LDLRAD3: variants seen among roughly 807,000 people sequenced by gnomAD.
LDLRAD3 encodes the protein low-density lipoprotein receptor class A domain-containing protein 3.
A neutral mutation model predicts 29.4 loss-of-function variants in LDLRAD3; 20 were observed. That is an observed-to-expected ratio of 0.68 (90% CI 0.48 to 0.99). The LOEUF is 0.99. Among genes scored for constraint, LDLRAD3 ranks in the 50% least tolerant of loss-of-function variants. The pLI is 0.00. For synonymous variants in LDLRAD3, 157 were observed against 192.7 expected, an observed-to-expected ratio of 0.81 and a Z score of 1.53; for missense variants, 420 against 454.3, an observed-to-expected ratio of 0.92 and a Z score of 0.69.
chr11:35,947,574 C>A (rs1851073868), intron 1 of LDLRAD3, among the ~76,000 whole-genome samples: 1 of 151,856 alleles, frequency 6.6e-6, no homozygotes, highest in Non-Finnish European at 1.5e-5. Flanking sequence ...AGAGAGGGAA[C>A]CCACTATCAG....
chr11:36,189,059 G>A (rs994919677), intron 4 of LDLRAD3, among the ~76,000 whole-genome samples: 1 of 151,966 alleles, frequency 6.6e-6, no homozygotes, highest in African/African-American at 2.4e-5. Context: ...TACAATTTGG[G>A]TTTTTCATAG....
intron 4 of LDLRAD3, among the ~76,000 whole-genome samples, chr11:36,146,352 C>T (rs1327166119): frequency 2.0e-5 from 3 of 152,218 alleles, no homozygotes; most frequent in African/African-American, 4.8e-5. Context: ...GTATGTTTCT[C>T]ATAACCTTTT....
chr11:35,964,012 G>A (rs1168502373), intron 1 of LDLRAD3, among the ~76,000 whole-genome samples: 1 of 152,192 alleles, frequency 6.6e-6, no homozygotes, highest in African/African-American at 2.4e-5. Context: ...GAATAAACAA[G>A]GATTGGGAAG....
At chr11:36,089,764 T>C (rs1853249362) in intron 3 of LDLRAD3, among the ~76,000 whole-genome samples, 1 of 151,560 alleles carries the variant, frequency 6.6e-6, no homozygotes. Context: ...CTTGCCTGGC[T>C]AATTTTTAAA....
intron 4 of LDLRAD3, among the ~76,000 whole-genome samples, chr11:36,160,880 C>A (rs777367443): frequency 2.6e-5 from 4 of 152,056 alleles, no homozygotes; most frequent in Non-Finnish European, 5.9e-5. Context: ...CTGCAACCTC[C>A]GCCTCCCAGG....
At chr11:36,159,147 A>G (rs1328162499) in intron 4 of LDLRAD3, among the ~76,000 whole-genome samples, 1 of 152,214 alleles carries the variant, frequency 6.6e-6, no homozygotes, top group Non-Finnish European at 1.5e-5. Flanking sequence ...GGAGATAGTG[A>G]CAGTGATACA....
intron 2 of LDLRAD3, among the ~76,000 whole-genome samples, chr11:36,071,402 T>C (rs1245984571): frequency 6.9e-6 from 1 of 144,360 alleles, no homozygotes; most frequent in African/African-American, 2.6e-5. Context: ...CTAGCAGTTA[T>C]ACTTTCACGA....
chr11:36,123,024 C>A (rs990676490), intron 4 of LDLRAD3, among the ~76,000 whole-genome samples: 1 of 151,856 alleles, frequency 6.6e-6, no homozygotes, highest in South Asian at 2.1e-4. Flanking sequence ...ACAACAACAA[C>A]AAAAATTTAA....
intron 2 of LDLRAD3, among the ~76,000 whole-genome samples, chr11:36,066,304 C>T (rs1852792727): frequency 6.6e-6 from 1 of 152,018 alleles, no homozygotes. Flanking sequence ...TCTCTGTGCT[C>T]ACATCTGGTC....
At chr11:36,093,673 A>G (rs1210490952) in intron 3 of LDLRAD3, among the ~76,000 whole-genome samples, 5 of 152,136 alleles carry the variant, frequency 3.3e-5, no homozygotes, top group Admixed American at 6.5e-5. Flanking sequence ...CACCTGTGTT[A>G]TAGGTTGTAC....
chr11:36,116,440 G>A (rs1166507970), intron 4 of LDLRAD3, among the ~76,000 whole-genome samples: 1 of 152,036 alleles, frequency 6.6e-6, no homozygotes, highest in Non-Finnish European at 1.5e-5. Context: ...AGGCGGGGAT[G>A]GGGGGATGCT....
intron 1 of LDLRAD3, among the ~76,000 whole-genome samples, chr11:35,979,808 C>T (rs941524849): frequency 6.6e-6 from 1 of 152,154 alleles, no homozygotes. Flanking sequence ...GGTTGTTGAG[C>T]CAGTGGCATT....
Position 36,016,493 on chromosome 11 carries a change from G to A in LDLRAD3, c.47-19610G>A, listed in dbSNP as rs181459837. Among the ~76,000 whole-genome samples, 3 of 152,228 alleles carry A rather than the reference G, an allele frequency of 2.0e-5. No homozygotes were observed. The East Asian group carries it at 5.8e-4, about 29-fold the overall frequency. ...TGGGTTTTGTTTCTTAATGTTAAAG[G>A]AACAAATCTTTCTCTGTGTGTATGT... On this transcript the variant is annotated intron_variant, in intron 1 of 5. Coordinates refer to ENST00000315571, the MANE Select transcript of LDLRAD3 (RefSeq NM_174902.4).
intron 2 of LDLRAD3, among the ~76,000 whole-genome samples, chr11:36,038,486 AG>A (rs1238645767): frequency 1.3e-5 from 2 of 152,224 alleles, no homozygotes; most frequent in Non-Finnish European, 2.9e-5. Context: ...GAAAGAACGC[AG>A]GATTAAGGAG....
chr11:36,019,207 T>C (rs1342802747), intron 1 of LDLRAD3, among the ~76,000 whole-genome samples: 5 of 152,046 alleles, frequency 3.3e-5, no homozygotes, highest in Non-Finnish European at 2.9e-5. Flanking sequence ...CAGGCAGGGG[T>C]TGGAGCCTGT....
chr11:35,969,282 C>G (rs1851382517), intron 1 of LDLRAD3, among the ~76,000 whole-genome samples: 1 of 152,142 alleles, frequency 6.6e-6, no homozygotes, highest in Non-Finnish European at 1.5e-5. Flanking sequence ...AACAGCTGCC[C>G]AAGAACAGAT....
intron 4 of LDLRAD3, among the ~76,000 whole-genome samples, chr11:36,119,454 A>C (rs902506262): frequency 3.3e-5 from 5 of 150,798 alleles, no homozygotes; most frequent in Admixed American, 3.3e-4. Flanking sequence ...CCAGCAGTGC[A>C]TGAAGGTTCT....
chr11:36,058,141 C>T (rs991863288), intron 2 of LDLRAD3, among the ~76,000 whole-genome samples: 1 of 152,176 alleles, frequency 6.6e-6, no homozygotes. Flanking sequence ...CTTAGAGAGC[C>T]CTCCTGGCTG....
At chr11:36,047,393 A>T (rs1016978834) in intron 2 of LDLRAD3, among the ~76,000 whole-genome samples, 9 of 152,050 alleles carry the variant, frequency 5.9e-5, no homozygotes, top group African/African-American at 1.9e-4. Flanking sequence ...CGAGACACAC[A>T]TTTTTTCCCC....
Sources: allele counts gnomAD v4.1 joint callset (sites outside exome capture counted in the v4.1 genomes callset), GRCh38; gene constraint gnomAD v4.1.1; transcripts MANE v1.5; gene names NCBI Gene and HGNC (gene_info 2026-07-23, HGNC 2026-07-21).